The following TULP4 variants were observed in gnomAD, a reference collection of about 807,000 sequenced individuals.
The protein encoded by TULP4 is tubby-related protein 4.
Under a neutral mutation model 129.0 loss-of-function variants are expected in TULP4, and 16 were observed. That is an observed-to-expected ratio of 0.12 (90% CI 0.08 to 0.19). The LOEUF (loss-of-function observed/expected upper bound fraction) is 0.19. TULP4 is among the 10% of genes least tolerant of loss of function. The pLI, the probability that TULP4 is intolerant of heterozygous loss-of-function variation, is 1.00. For missense variants in TULP4, 1,842 were observed against 2,059.1 expected (o/e 0.89, Z 2.04); for synonymous variants, 998 against 854.0 (o/e 1.17, Z -2.94).
chr6:158,454,859 GC>G, intron 5 of TULP4, among the ~76,000 whole-genome samples: 1 of 152,102 alleles, frequency 6.6e-6, no homozygotes, highest in East Asian at 2.0e-4. Flanking sequence ...ACCCGCCTGG[GC>G]CTCCCGAAGT....
intron 9 of TULP4, among the ~76,000 whole-genome samples, chr6:158,490,590 A>G (rs77078361): frequency 0.015 from 2,214 of 152,254 alleles, 17 homozygotes; most frequent in Non-Finnish European, 0.024. Context: ...CACCTAGCTC[A>G]TTGTACAAGG....
At chr6:158,286,931 C>T (rs1778845186) in intron 1 of TULP4, among the ~76,000 whole-genome samples, 1 of 152,128 alleles carries the variant, frequency 6.6e-6, no homozygotes, top group South Asian at 2.1e-4. Flanking sequence ...TTTGTGAGGA[C>T]GCACAGTAAT....
chr6:158,420,254 T>A (rs1778305210), intron 2 of TULP4, among the ~76,000 whole-genome samples: 1 of 152,230 alleles, frequency 6.6e-6, no homozygotes, highest in Non-Finnish European at 1.5e-5. Context: ...TTCTTTTGAT[T>A]TTTTTCTTCT....
At chr6:158,234,702 A>G (rs541072625) in intron 1 of TULP4, among the ~76,000 whole-genome samples, 1 of 152,362 alleles carries the variant, frequency 6.6e-6, no homozygotes, top group South Asian at 2.1e-4. Flanking sequence ...GCATTTCAGT[A>G]TTACCAAAAG....
chr6:158,282,895 A>T (rs1778778815), intron 1 of TULP4: 1 of 152,218 alleles, frequency 6.6e-6, no homozygotes, highest in South Asian at 2.1e-4. Context: ...TAATCCCAGT[A>T]ATTTAGGAGG....
At chr6:158,256,937 G>A (rs534441843) in intron 1 of TULP4, among the ~76,000 whole-genome samples, 1 of 152,290 alleles carries the variant, frequency 6.6e-6, no homozygotes, top group South Asian at 2.1e-4. Context: ...CTCCTGCCAA[G>A]TTGGCATAAT....
At chr6:158,364,976 C>T (rs1360618041) in intron 1 of TULP4, among the ~76,000 whole-genome samples, 2 of 151,956 alleles carry the variant, frequency 1.3e-5, no homozygotes, top group Non-Finnish European at 1.5e-5. Flanking sequence ...ACCTTGTGAT[C>T]CACCTGCCTC....
chr6:158,369,087 T>C (rs762517601), intron 1 of TULP4, among the ~76,000 whole-genome samples: 4 of 152,256 alleles, frequency 2.6e-5, no homozygotes, highest in Non-Finnish European at 4.4e-5. Flanking sequence ...TAGATTTTCA[T>C]GCAAAGGTCA....
chr6:158,245,095 C>T (rs1778002608), intron 1 of TULP4, among the ~76,000 whole-genome samples: 1 of 151,966 alleles, frequency 6.6e-6, no homozygotes, highest in African/African-American at 2.4e-5. Context: ...TCAAGCAATC[C>T]TCCTCCCTTA....
At chr6:158,326,610 G>A (rs764074808) in intron 1 of TULP4, among the ~76,000 whole-genome samples, 1 of 152,154 alleles carries the variant, frequency 6.6e-6, no homozygotes, top group Non-Finnish European at 1.5e-5. Context: ...CTCTGTAAAT[G>A]TCTTAATTGC....
intron 1 of TULP4, among the ~76,000 whole-genome samples, chr6:158,325,735 T>TA (rs1779731858): frequency 6.6e-6 from 1 of 152,066 alleles, no homozygotes; most frequent in Admixed American, 6.5e-5. Context: ...AATGAAACTT[T>TA]TGTTTTATAT....
intron 6 of TULP4, among the ~76,000 whole-genome samples, chr6:158,463,479 C>T (rs145676373): frequency 3.0e-3 from 459 of 151,676 alleles, no homozygotes; most frequent in Middle Eastern, 0.014. Flanking sequence ...GGGAACATCA[C>T]ACACCAGGGC....
intron 1 of TULP4, among the ~76,000 whole-genome samples, chr6:158,341,307 A>C (rs1780175499): frequency 6.6e-6 from 1 of 152,238 alleles, no homozygotes; most frequent in East Asian, 1.9e-4. Context: ...CCATGTGTGT[A>C]TATGCCACAC....
chr6:158,242,289 C>G, intron 1 of TULP4: 1 of 1,560,302 alleles, frequency 6.4e-7, no homozygotes, highest in East Asian at 2.2e-5. Context: ...CAGTGTTTAG[C>G]ACAGCTCATG....
chr6:158,365,905 T>C (rs1417730287), intron 1 of TULP4, among the ~76,000 whole-genome samples: 233 of 122,338 alleles, frequency 1.9e-3, no homozygotes, highest in African/African-American at 6.0e-3. Context: ...CTTTCTTTTT[T>C]TTTTTTTTTT....
At chr6:158,402,179 G>A (rs62437411) in intron 1 of TULP4, among the ~76,000 whole-genome samples, 33,785 of 152,124 alleles carry the variant, frequency 0.22, 4,755 homozygotes, top group Middle Eastern at 0.33. Flanking sequence ...CCTAAACCTA[G>A]CTCTTCCTTT....
intron 1 of TULP4, among the ~76,000 whole-genome samples, chr6:158,364,198 T>C (rs1780867695): frequency 6.6e-6 from 1 of 152,214 alleles, no homozygotes; most frequent in African/African-American, 2.4e-5. Context: ...ATTTAGGAAC[T>C]GTCAAGTGTA....
intron 1 of TULP4, chr6:158,238,157 A>G (rs1228268271): frequency 1.3e-6 from 1 of 761,090 alleles, no homozygotes; most frequent in Non-Finnish European, 2.4e-6. Context: ...TCAATATTAG[A>G]CATGCTAAGA....
Position 158,338,755 on chromosome 6 carries a change from G to A in TULP4, c.252+24487G>A, listed in dbSNP as rs1215481809. On this transcript the variant is annotated intron_variant, in intron 1 of 13. Transcript: ENST00000367097. ...AGAGCCAGGACCAGAGAGGGACCAG[G>A]TGGGATTGGTAGTTACAGGTAAAGA... Among the ~76,000 whole-genome samples, 9 of 152,230 alleles carry A rather than the reference G, an allele frequency of 5.9e-5. No homozygotes were observed. In the East Asian group the frequency reaches 1.3e-3, roughly 23 times the overall value.
Sources: gnomAD v4.1 joint callset for allele counts (sites outside exome capture counted in the v4.1 genomes callset) on GRCh38, gnomAD v4.1.1 for gene constraint, MANE v1.5 for transcripts, NCBI Gene and HGNC (gene_info 2026-07-23, HGNC 2026-07-21) for gene names.